TENM4: variants seen among roughly 807,000 people sequenced by gnomAD.
TENM4 encodes the protein teneurin-4.
In TENM4, 82 loss-of-function variants were observed where a neutral mutation model predicts 243.3. That is an observed-to-expected ratio of 0.34 (90% CI 0.28 to 0.40). The LOEUF (loss-of-function observed/expected upper bound fraction) is 0.40, where lower values mean the gene tolerates loss of function less well. Among genes scored for constraint, TENM4 ranks in the 10% least tolerant of loss-of-function variants. TENM4 has a pLI of 1.00. For missense variants in TENM4, 3,138 were observed against 3,673.3 expected (o/e 0.85, Z 3.77); for synonymous variants, 1,412 against 1,456.3 (o/e 0.97, Z 0.69).
At chr11:78,827,777 C>A (rs1002312806) in intron 12 of TENM4, among the ~76,000 whole-genome samples, 2 of 152,228 alleles carry the variant, frequency 1.3e-5, no homozygotes, top group African/African-American at 4.8e-5. Flanking sequence ...GCGTGAGCCA[C>A]TGCGCCCGGC....
chr11:78,748,120 C>T (rs1856093400), intron 19 of TENM4, among the ~76,000 whole-genome samples: 1 of 152,216 alleles, frequency 6.6e-6, no homozygotes. Context: ...TCTCCCAGTT[C>T]TCAGTAGTGA....
At chr11:78,717,334 A>G (rs1054907562) in intron 25 of TENM4, among the ~76,000 whole-genome samples, 1 of 152,150 alleles carries the variant, frequency 6.6e-6, no homozygotes, top group Non-Finnish European at 1.5e-5. Flanking sequence ...CTTTGTCTCT[A>G]AGTAAGGTCT....
chr11:78,978,509 G>A (rs980108020), intron 6 of TENM4, among the ~76,000 whole-genome samples: 1 of 152,124 alleles, frequency 6.6e-6, no homozygotes, highest in African/African-American at 2.4e-5. Flanking sequence ...AAAGTTAGTT[G>A]GTTCATAAGA....
intron 7 of TENM4, 130 bp downstream of exon 7, chr11:78,903,133 TAAACC>T (rs1213689595): frequency 7.7e-7 from 1 of 1,294,118 alleles, no homozygotes; most frequent in Non-Finnish European, 1.0e-6. Flanking sequence ...ACCGCATCCC[TAAACC>T]GTGCACCCAA....
intron 9 of TENM4, among the ~76,000 whole-genome samples, chr11:78,879,539 C>T (rs141637262): frequency 0.054 from 5,416 of 100,956 alleles, 588 homozygotes; most frequent in African/African-American, 0.12. Context: ...TCTGCACGGC[C>T]GCCACCCTGT....
chr11:79,043,536 G>A (rs746680347), intron 6 of TENM4, among the ~76,000 whole-genome samples: 2 of 152,144 alleles, frequency 1.3e-5, no homozygotes, highest in Non-Finnish European at 2.9e-5. Flanking sequence ...CATAACATGA[G>A]AAATAAACTC....
intron 10 of TENM4, among the ~76,000 whole-genome samples, chr11:78,862,321 A>G (rs1858843031): frequency 6.6e-6 from 1 of 152,088 alleles, no homozygotes; most frequent in African/African-American, 2.4e-5. Flanking sequence ...TCTAGTTTCT[A>G]TATCTAGAAT....
At chr11:79,164,350 GATACTATAT>G (rs1862853988) in intron 3 of TENM4, among the ~76,000 whole-genome samples, 1 of 58,382 alleles carries the variant, frequency 1.7e-5, no homozygotes, top group Non-Finnish European at 4.2e-5. Context: ...ATACTATATA[GATACTATAT>G]ATACTATATA....
At chr11:79,072,210 C>T (rs1185135279) in intron 4 of TENM4, among the ~76,000 whole-genome samples, 3 of 152,116 alleles carry the variant, frequency 2.0e-5, no homozygotes, top group Non-Finnish European at 4.4e-5. Context: ...TATGGCCAGG[C>T]ATGGGGTGGC....
intron 6 of TENM4, among the ~76,000 whole-genome samples, chr11:78,995,987 G>A (rs1277391217): frequency 2.0e-5 from 3 of 152,114 alleles, no homozygotes; most frequent in Admixed American, 6.6e-5. Flanking sequence ...CTTATGTAAG[G>A]TCATCAGCTC....
chr11:79,037,595 A>G lies in TENM4; in HGVS notation c.493+27143T>C, dbSNP rs149075990. 5.9e-3 allele frequency among the ~76,000 whole-genome samples: 896 copies of G among 152,342 alleles called. 8 individuals are homozygous for G. Among genetic ancestry groups the G allele is most frequent in the African/African-American group, 0.021 (854 of 41,572 alleles). ...CTGTTGGTTACTAGAGCTTAAGTCC[A>G]TACACTTTGGGAGAAATCCTTCCCT... On this transcript the variant is annotated intron_variant, in intron 6 of 33. Coordinates refer to ENST00000278550, the MANE Select transcript of TENM4 (RefSeq NM_001098816.3).
chr11:78,820,025 A>G (rs1857692836), intron 12 of TENM4, among the ~76,000 whole-genome samples: 1 of 152,178 alleles, frequency 6.6e-6, no homozygotes, highest in Admixed American at 6.5e-5. Context: ...TTTATACTTC[A>G]GGTTACACCT....
chr11:79,027,128 C>A (rs1343143362), intron 6 of TENM4, among the ~76,000 whole-genome samples: 1 of 152,158 alleles, frequency 6.6e-6, no homozygotes, highest in Non-Finnish European at 1.5e-5. Context: ...TTGGAATTAT[C>A]CAGACTTAAA....
intron 2 of TENM4, among the ~76,000 whole-genome samples, chr11:79,240,203 T>C (rs2135279479): frequency 6.6e-6 from 1 of 152,256 alleles, no homozygotes; most frequent in Admixed American, 6.5e-5. Context: ...TTATGAGGAC[T>C]GAATGACTGC....
intron 3 of TENM4, among the ~76,000 whole-genome samples, chr11:79,190,778 C>G (rs1415568014): frequency 7.8e-5 from 11 of 140,552 alleles, no homozygotes; most frequent in African/African-American, 3.3e-4. Context: ...GTCCCTCTCC[C>G]TCTCCCGTCT....
intron 25 of TENM4, among the ~76,000 whole-genome samples, chr11:78,719,557 T>C (rs138481642): frequency 3.3e-5 from 5 of 152,312 alleles, no homozygotes; most frequent in African/African-American, 1.2e-4. Context: ...ACCACCCTCA[T>C]GCCACTTTGA....
At chr11:79,116,957 G>A (rs1428577136) in intron 4 of TENM4, among the ~76,000 whole-genome samples, 7 of 152,130 alleles carry the variant, frequency 4.6e-5, no homozygotes. Context: ...ATTTTTCAGG[G>A]TAATCCAATT....
intron 2 of TENM4, among the ~76,000 whole-genome samples, chr11:79,239,233 C>T (rs572308385): frequency 4.6e-5 from 7 of 152,290 alleles, no homozygotes; most frequent in African/African-American, 1.7e-4. Context: ...AACACTTTCT[C>T]ATCAAACCAG....
At chr11:78,736,661 T>C (rs1208449485) in intron 20 of TENM4, among the ~76,000 whole-genome samples, 2 of 151,908 alleles carry the variant, frequency 1.3e-5, no homozygotes, top group African/African-American at 4.8e-5. Flanking sequence ...AGAAAGAAGG[T>C]GAGTTAAGGA....
Sources: gnomAD v4.1 joint callset for allele counts (sites outside exome capture counted in the v4.1 genomes callset) on GRCh38, gnomAD v4.1.1 for gene constraint, MANE v1.5 for transcripts, NCBI Gene and HGNC (gene_info 2026-07-23, HGNC 2026-07-21) for gene names.